The following SCOC variants were observed in gnomAD, a reference collection of about 807,000 sequenced individuals.
The protein encoded by SCOC is short coiled-coil protein.
In SCOC, 7 loss-of-function variants were observed where a neutral mutation model predicts 9.9. The ratio of observed to expected loss-of-function variants is 0.71; its 90% CI spans 0.40 to 1.33. The LOEUF is 1.33. SCOC is among the 40% of genes most tolerant of loss of function. The pLI is 0.01. For missense variants in SCOC, 66 were observed against 89.7 expected (o/e 0.74, Z 1.07); for synonymous variants, 19 against 28.2 (o/e 0.67, Z 1.03).
At chr4:140,308,279 G>C (rs1434807423) in intron 1 of SCOC, among the ~76,000 whole-genome samples, 2 of 152,102 alleles carry the variant, frequency 1.3e-5, no homozygotes, top group Admixed American at 6.6e-5. Flanking sequence ...CCAAGTCAGC[G>C]TTTGCCTTTC....
At chr4:140,296,653 G>T (rs536869520) in intron 1 of SCOC, among the ~76,000 whole-genome samples, 1 of 152,216 alleles carries the variant, frequency 6.6e-6, no homozygotes, top group African/African-American at 2.4e-5. Flanking sequence ...CAGGCTGCCT[G>T]CCTTGCCTCT....
intron 1 of SCOC, among the ~76,000 whole-genome samples, chr4:140,300,688 C>T (rs1731787400): frequency 6.6e-6 from 1 of 152,230 alleles, no homozygotes; most frequent in Admixed American, 6.5e-5. Context: ...CCCAGGAAAG[C>T]ACTCACTTTG....
At chr4:140,377,846 A>G (rs995966225) in intron 1 of SCOC, among the ~76,000 whole-genome samples, 6 of 152,210 alleles carry the variant, frequency 3.9e-5, no homozygotes, top group Admixed American at 1.3e-4. Context: ...TGTTTAAGAT[A>G]CGGAGGCATA....
chr4:140,356,089 A>G (rs985981746), intron 2 of SCOC, among the ~76,000 whole-genome samples: 3 of 152,220 alleles, frequency 2.0e-5, no homozygotes, highest in Non-Finnish European at 2.9e-5. Context: ...AAAGTGGCAA[A>G]TTTAGCTACA....
At chr4:140,327,438 GA>G (rs67235727) in intron 1 of SCOC, among the ~76,000 whole-genome samples, 87,541 of 151,736 alleles carry the variant, frequency 0.58, 27,332 homozygotes, top group Non-Finnish European at 0.71. Flanking sequence ...TTTCAATACT[GA>G]AAAAAAAAAT....
At position 140,257,570 on chromosome 4, in the gene SCOC, C is replaced by T. The variant is rs568796294; in HGVS notation, c.-19+160C>T. Among the ~76,000 whole-genome samples, 11 of 152,174 alleles carry T rather than the reference C, an allele frequency of 7.2e-5. No individual in the cohort carries two copies. In the South Asian group the frequency reaches 1.5e-3, roughly 20 times the overall value. ...TCTTTTTCAGACTCCAAACTGAGGG[C>T]GAGTCATCTGAGCTCTCTCACGGCG... On this transcript the variant is annotated intron_variant, in intron 1 of 4. Coordinates refer to the SCOC transcript ENST00000394205.
intron 1 of SCOC, among the ~76,000 whole-genome samples, chr4:140,257,763 C>T (rs1204263491): frequency 6.6e-6 from 1 of 152,168 alleles, no homozygotes; most frequent in African/African-American, 2.4e-5. Flanking sequence ...CTTTTAAGTG[C>T]CAGCCAGCAT....
chr4:140,348,212 G>T (rs2321142), intron 2 of SCOC, among the ~76,000 whole-genome samples: 30,534 of 151,892 alleles, frequency 0.2, 3,339 homozygotes, highest in South Asian at 0.31. Flanking sequence ...ACAATATATT[G>T]TTTTTAACTA....
chr4:140,377,094 T>C (rs906288377), intron 1 of SCOC, among the ~76,000 whole-genome samples: 1 of 152,228 alleles, frequency 6.6e-6, no homozygotes, highest in African/African-American at 2.4e-5. Context: ...TCACTTTTGC[T>C]TTTGGCTGTT....
chr4:140,305,349 C>T (rs987948814), intron 1 of SCOC, among the ~76,000 whole-genome samples: 4 of 152,146 alleles, frequency 2.6e-5, no homozygotes, highest in African/African-American at 9.7e-5. Context: ...GTTGGACATA[C>T]TAGAGCAGTT....
intron 1 of SCOC, among the ~76,000 whole-genome samples, chr4:140,375,982 G>T (rs774348728): frequency 3.9e-5 from 6 of 152,074 alleles, no homozygotes; most frequent in Non-Finnish European, 8.8e-5. Flanking sequence ...TCAGATTTGC[G>T]TTTATATATA....
upstream of SCOC, among the ~76,000 whole-genome samples, chr4:140,341,637 C>T (rs1726514142): frequency 6.6e-6 from 1 of 152,198 alleles, no homozygotes; most frequent in South Asian, 2.1e-4. Flanking sequence ...TGATTATATA[C>T]AGAGTTGCTA....
rs550724317 is a variant in SCOC at position 140,333,003 on chromosome 4, C to T, written c.-18-10618C>T. Reference sequence around the variant, plus strand: ...TGAAACCCAAGGAACTTAAAAGGGCCTGTGAGGCTCTACATGGTCAGTCCC... The same window carrying T: ...TGAAACCCAAGGAACTTAAAAGGGCTTGTGAGGCTCTACATGGTCAGTCCC... On this transcript the variant is annotated intron_variant, in intron 1 of 4. Transcript: ENST00000394205. 5.9e-5 allele frequency among the ~76,000 whole-genome samples: 9 copies of T among 152,278 alleles called. No homozygotes were observed. In the East Asian group the frequency reaches 1.4e-3, roughly 23 times the overall value.
intron 1 of SCOC, among the ~76,000 whole-genome samples, chr4:140,259,992 T>C (rs1398186): frequency 0.096 from 14,633 of 152,216 alleles, 1,095 homozygotes; most frequent in East Asian, 0.27. Context: ...CCCCATTCCT[T>C]GAGGTTGGGT....
intron 1 of SCOC, chr4:140,284,697 G>A (rs1187315619): frequency 1.3e-5 from 2 of 149,144 alleles, no homozygotes; most frequent in Non-Finnish European, 2.9e-5. Flanking sequence ...CCTAATCAAG[G>A]TTAAGACTTA....
chr4:140,304,215 A>G lies in SCOC; in HGVS notation c.-18-39406A>G, dbSNP rs539269200. 2.2e-3 allele frequency among the ~76,000 whole-genome samples: 342 copies of G among 152,278 alleles called. 1 individual carries two copies. In the Middle Eastern group the frequency reaches 0.034, roughly 15 times the overall value. The stretch of plus-strand genomic sequence containing the variant: ...ATGGCGCTGGGCATGGATAACTACA[A>G]GACACTGGTGACAGGCTGACAGTAG... On this transcript the variant is annotated intron_variant, in intron 1 of 4. Transcript: ENST00000394205.
chr4:140,380,680 A>G (rs1728541194), intron 3 of SCOC, among the ~76,000 whole-genome samples: 1 of 152,212 alleles, frequency 6.6e-6, no homozygotes, highest in Non-Finnish European at 1.5e-5. Context: ...TATGTTGATA[A>G]GACATGAACC....
intron 1 of SCOC, among the ~76,000 whole-genome samples, chr4:140,325,824 C>G (rs1732627635): frequency 6.6e-6 from 1 of 152,056 alleles, no homozygotes; most frequent in South Asian, 2.1e-4. Context: ...AATCCCAATC[C>G]AAGGCATTTA....
At chr4:140,277,760 T>C (rs1731017496) in intron 1 of SCOC, among the ~76,000 whole-genome samples, 1 of 152,228 alleles carries the variant, frequency 6.6e-6, no homozygotes, top group Admixed American at 6.5e-5. Context: ...ATTTCTGCAT[T>C]AGTCACTTAA....
Sources: allele counts gnomAD v4.1 joint callset (sites outside exome capture counted in the v4.1 genomes callset), GRCh38; gene constraint gnomAD v4.1.1; transcripts MANE v1.5; gene names NCBI Gene and HGNC (gene_info 2026-07-23, HGNC 2026-07-21).